The following GTF2F2 variants were observed in gnomAD, a reference collection of about 807,000 sequenced individuals.
GTF2F2 encodes general transcription factor IIF subunit 2, also known as ATP-dependent helicase GTF2F2.
In GTF2F2, 23 loss-of-function variants were observed where a neutral mutation model predicts 42.2. That is an observed-to-expected ratio of 0.55 (90% CI 0.39 to 0.77). The LOEUF is 0.77. GTF2F2 is among the 30% of genes least tolerant of loss of function. The pLI is 0.00. For missense variants in GTF2F2, 261 were observed against 287.2 expected, an observed-to-expected ratio of 0.91 and a Z score of 0.66; for synonymous variants, 105 against 100.8, an observed-to-expected ratio of 1.04 and a Z score of -0.25.
At position 45,157,047 on chromosome 13, in the gene GTF2F2, G is replaced by A. The variant is rs549556351; in HGVS notation, c.304+5216G>A. ...TTTTCTGGGAATAAAGTGGGAAGTA[G>A]GCTCGGGAGTATCAGGTTGGGGGTG... On this transcript the variant is annotated intron_variant, in intron 4 of 7. Transcript: ENST00000340473. Among the ~76,000 whole-genome samples, 10 of 152,298 alleles carry A rather than the reference G, an allele frequency of 6.6e-5. No homozygotes were observed. In the East Asian group the frequency reaches 1.9e-3, roughly 29 times the overall value.
At chr13:45,130,692 T>C (rs1002243501) in intron 1 of GTF2F2, among the ~76,000 whole-genome samples, 1 of 152,190 alleles carries the variant, frequency 6.6e-6, no homozygotes, top group African/African-American at 2.4e-5. Flanking sequence ...CTCCAAGGTT[T>C]CAGCCTGAGT....
At chr13:45,191,224 A>AAAAAAAAAAAAAATATAT in intron 4 of GTF2F2, among the ~76,000 whole-genome samples, 1 of 75,346 alleles carries the variant, frequency 1.3e-5, no homozygotes, top group Non-Finnish European at 2.2e-5. Flanking sequence ...ACAAAAAAAA[A>AAAAAAAAAAAAAATATAT]ATATATATAT....
chr13:45,199,771 A>C (rs1354335136), intron 4 of GTF2F2, among the ~76,000 whole-genome samples: 2 of 152,218 alleles, frequency 1.3e-5, no homozygotes, highest in Non-Finnish European at 2.9e-5. Context: ...TAAAGGTAGT[A>C]CAGTTAGGAA....
intron 5 of GTF2F2, among the ~76,000 whole-genome samples, chr13:45,217,874 T>A (rs1873956414): frequency 6.6e-6 from 1 of 152,246 alleles, no homozygotes; most frequent in South Asian, 2.1e-4. Context: ...AATGTCTGTC[T>A]TTAGGTGTCT....
At chr13:45,268,985 TA>T (rs1876680226) in intron 7 of GTF2F2, among the ~76,000 whole-genome samples, 1 of 152,182 alleles carries the variant, frequency 6.6e-6, no homozygotes, top group Non-Finnish European at 1.5e-5. Flanking sequence ...TGGATGGACT[TA>T]AGGGGATCCA....
intron 4 of GTF2F2, among the ~76,000 whole-genome samples, chr13:45,197,763 C>T (rs1189502526): frequency 1.3e-5 from 2 of 152,150 alleles, no homozygotes; most frequent in East Asian, 1.9e-4. Context: ...AAGGTCTCCA[C>T]AGCCCTAAAA....
intron 2 of GTF2F2, among the ~76,000 whole-genome samples, chr13:45,148,762 G>A (rs1870331551): frequency 6.6e-6 from 1 of 151,968 alleles, no homozygotes; most frequent in Admixed American, 6.6e-5. Context: ...AAAAAATTAA[G>A]TTCTTATATA....
chr13:45,155,978 C>CT (rs112988251), intron 4 of GTF2F2, among the ~76,000 whole-genome samples: 47 of 148,136 alleles, frequency 3.2e-4, no homozygotes, highest in Admixed American at 6.8e-4. Flanking sequence ...AGATTTTCTT[C>CT]TTTTTTTTTT....
At position 45,136,789 on chromosome 13, in the gene GTF2F2, G is replaced by A. The variant is rs535746137; in HGVS notation, c.123G>A (p.Gly41=). 1.4e-5 allele frequency: 23 copies of A among 1,588,104 alleles called. No individual in the cohort carries two copies. In the East Asian group the frequency reaches 2.2e-4, roughly 15 times the overall value. Residue 41 remains glycine, a synonymous_variant, in exon 2 of 8, where the codon GGG becomes GGA. Coordinates refer to ENST00000340473, the MANE Select transcript of GTF2F2 (RefSeq NM_004128.3). ...WAKASGRGEV[G]KLRIAKTQGR... ...AAGCCTCTGGAAGAGGTGAAGTTGG[G>A]AAACTGCGGATTGCCAAGTAAGTTA...
intron 5 of GTF2F2, among the ~76,000 whole-genome samples, chr13:45,208,690 A>G (rs1873516746): frequency 6.6e-6 from 1 of 152,160 alleles, no homozygotes; most frequent in Admixed American, 6.5e-5. Context: ...ATTTTGCATC[A>G]TCTTTAAAAG....
chr13:45,258,610 C>T (rs113665825), intron 6 of GTF2F2, among the ~76,000 whole-genome samples: 4,213 of 152,244 alleles, frequency 0.028, 209 homozygotes, highest in African/African-American at 0.093. Flanking sequence ...AAAGCTATCA[C>T]GGTGTTCAAT....
intron 7 of GTF2F2, among the ~76,000 whole-genome samples, chr13:45,271,064 G>A (rs1161868293): frequency 6.6e-6 from 1 of 152,004 alleles, no homozygotes; most frequent in African/African-American, 2.4e-5. Context: ...AGGCTGAGGC[G>A]GGCAGATCAC....
intron 3 of GTF2F2, 63 bp from the exon 4 acceptor site, chr13:45,151,624 A>ATT (rs897325848): frequency 5.7e-6 from 6 of 1,051,238 alleles, no homozygotes; most frequent in Non-Finnish European, 8.3e-6. Context: ...TATAACAAAA[A>ATT]TTTATATATA....
At chr13:45,194,003 T>C (rs777310266) in intron 4 of GTF2F2, 17 of 1,614,128 alleles carry the variant, frequency 1.1e-5, no homozygotes, top group African/African-American at 1.3e-5. Flanking sequence ...TTTGACGATA[T>C]TGAAAACTCC....
chr13:45,256,873 G>A (rs149498626), intron 6 of GTF2F2, among the ~76,000 whole-genome samples: 1 of 152,204 alleles, frequency 6.6e-6, no homozygotes, highest in African/African-American at 2.4e-5. Flanking sequence ...ATGAAGCTCA[G>A]TGTTTCATTC....
intron 4 of GTF2F2, among the ~76,000 whole-genome samples, chr13:45,181,200 A>AAAAAACAAAAAAAC (rs766375703): frequency 1.5e-5 from 2 of 132,832 alleles, no homozygotes; most frequent in African/African-American, 5.7e-5. Context: ...AAAAAAAAAA[A>AAAAAACAAAAAAAC]AAACCAGAAA....
intron 4 of GTF2F2, among the ~76,000 whole-genome samples, chr13:45,172,628 A>G (rs1035255148): frequency 2.6e-5 from 4 of 152,150 alleles, no homozygotes; most frequent in Non-Finnish European, 4.4e-5. Flanking sequence ...AATTTTGTAT[A>G]TGGTATGAAA....
At chr13:45,175,348 C>T (rs978227111) in intron 4 of GTF2F2, among the ~76,000 whole-genome samples, 7 of 152,078 alleles carry the variant, frequency 4.6e-5, no homozygotes, top group African/African-American at 1.2e-4. Flanking sequence ...ATCTGTTGGA[C>T]GTGTAAGTTG....
rs140807031 is a variant in GTF2F2, at chr13:45,276,812, C to G, written c.631-6630C>G. On this transcript the variant is annotated intron_variant, in intron 7 of 7. Coordinates refer to ENST00000340473, the MANE Select transcript of GTF2F2 (RefSeq NM_004128.3). ...CCTAAAGAAAGTAAATTTTGTTTACCTGAAATATTCAAGCATGTGAAGCAT... is the reference window on the plus strand; with the variant it reads ...CCTAAAGAAAGTAAATTTTGTTTACGTGAAATATTCAAGCATGTGAAGCAT... Among the ~76,000 whole-genome samples the G allele has an allele frequency of 7.2e-4, 110 of 152,244 alleles. 1 individual carries two copies. Among genetic ancestry groups the G allele is most frequent in the African/African-American group, 2.5e-3 (103 of 41,538 alleles).
Sources: gnomAD v4.1 joint callset for allele counts (sites outside exome capture counted in the v4.1 genomes callset) on GRCh38, gnomAD v4.1.1 for gene constraint, MANE v1.5 for transcripts, NCBI Gene and HGNC (gene_info 2026-07-23, HGNC 2026-07-21) for gene names.